The following NDUFS4 variants were observed in gnomAD, a reference collection of about 807,000 sequenced individuals.
The protein encoded by NDUFS4 is NADH:ubiquinone oxidoreductase subunit S4, also known as NADH dehydrogenase [ubiquinone] iron-sulfur protein 4, mitochondrial.
NDUFS4 carries 28 observed loss-of-function variants against 24.3 expected under a neutral mutation model. The observed-to-expected ratio is 1.15, with a 90% CI of 0.85 to 1.58. The LOEUF (loss-of-function observed/expected upper bound fraction) is 1.58, where lower values mean the gene tolerates loss of function less well. Among genes scored for constraint, NDUFS4 ranks in the 40% most tolerant of loss-of-function variants. The pLI, the probability that NDUFS4 is intolerant of heterozygous loss-of-function variation, is 0.00. For missense variants in NDUFS4, 223 were observed against 207.9 expected (o/e 1.07, Z -0.45); for synonymous variants, 93 against 69.7 (o/e 1.34, Z -1.67).
intron 1 of NDUFS4, among the ~76,000 whole-genome samples, chr5:53,594,340 A>C (rs1185579830): frequency 1.3e-5 from 2 of 152,098 alleles, no homozygotes; most frequent in Non-Finnish European, 2.9e-5. Context: ...TCTGAGATTA[A>C]TTTAGCTGTG....
At position 53,637,214 on chromosome 5, in the gene NDUFS4, G is replaced by A. The variant is rs201207262; in HGVS notation, c.178-9019G>A. On this transcript the variant is annotated intron_variant, in intron 2 of 4. Transcript: ENST00000296684. ...GTGAATTCCTGTTTGAGGTCCCCAA[G>A]TATCCTGAGGTTCCTAGGCCTTCCA... Among the ~76,000 whole-genome samples, 4 of 93,056 alleles carry A rather than the reference G, an allele frequency of 4.3e-5. No individual in the cohort carries two copies. The South Asian group carries it at 1.6e-3, about 37-fold the overall frequency. 61.0% of individuals were successfully genotyped at this position (93,056 alleles called of 152,430 possible). A position where few individuals can be genotyped will look rare whatever the true frequency, so the allele number is the denominator to read the frequency against.
chr5:53,637,283 A>C (rs1751586205), intron 2 of NDUFS4, among the ~76,000 whole-genome samples: 2 of 152,154 alleles, frequency 1.3e-5, no homozygotes, highest in Non-Finnish European at 2.9e-5. Flanking sequence ...GCAACCATAC[A>C]ACCATGTATT....
Position 53,683,222 on chromosome 5 carries a change from G to A in NDUFS4, c.*1G>A, listed in dbSNP as rs1241938200. The A allele has an allele frequency of 6.3e-7, 1 of 1,585,416 alleles. No individual in the cohort carries two copies. Among genetic ancestry groups the A allele is most frequent in the African/African-American group, 1.3e-5 (1 of 74,290 alleles). On this transcript the variant is annotated 3_prime_UTR_variant, in exon 5 of 5. Coordinates refer to ENST00000296684, the MANE Select transcript of NDUFS4 (RefSeq NM_002495.4). ...AAGAACAAGAGTATCCACAAAATAG[G>A]TTGGCACTGACTATATCTCTGCTTG...
intron 1 of NDUFS4, among the ~76,000 whole-genome samples, chr5:53,570,909 C>T (rs918641305): frequency 2.0e-5 from 3 of 151,954 alleles, no homozygotes; most frequent in Admixed American, 2.0e-4. Context: ...GTCTCGAACT[C>T]CTGACCTTAG....
At chr5:53,592,384 C>G (rs561448080) in intron 1 of NDUFS4, among the ~76,000 whole-genome samples, 59 of 152,260 alleles carry the variant, frequency 3.9e-4, no homozygotes, top group African/African-American at 1.3e-3. Context: ...TTTCACAGAG[C>G]TAAAGCTGTT....
At chr5:53,659,900 G>A (rs1257081855) in intron 4 of NDUFS4, among the ~76,000 whole-genome samples, 1 of 152,102 alleles carries the variant, frequency 6.6e-6, no homozygotes, top group African/African-American at 2.4e-5. Flanking sequence ...CGTGCAATGA[G>A]AATTGCTGTG....
chr5:53,657,345 TATG>T (rs901762960), intron 3 of NDUFS4, among the ~76,000 whole-genome samples: 2 of 152,180 alleles, frequency 1.3e-5, no homozygotes, highest in African/African-American at 4.8e-5. Context: ...AGGGGTGGGT[TATG>T]ATAAGAATAT....
intron 3 of NDUFS4, among the ~76,000 whole-genome samples, chr5:53,649,200 A>G (rs1235479407): frequency 1.3e-5 from 2 of 152,080 alleles, no homozygotes; most frequent in Non-Finnish European, 2.9e-5. Context: ...ACATAATTGA[A>G]TATTGTTCTT....
intron 1 of NDUFS4, among the ~76,000 whole-genome samples, chr5:53,562,472 G>C (rs1748880425): frequency 6.6e-6 from 1 of 152,102 alleles, no homozygotes; most frequent in African/African-American, 2.4e-5. Flanking sequence ...GTTGAGATTA[G>C]ATTTTTGAAA....
chr5:53,649,224 A>T (rs1434512759), intron 3 of NDUFS4, among the ~76,000 whole-genome samples: 1 of 152,080 alleles, frequency 6.6e-6, no homozygotes, highest in African/African-American at 2.4e-5. Context: ...TAAATTTTAG[A>T]TCCAGGGTGT....
chr5:53,595,104 C>G (rs1750093153), intron 1 of NDUFS4, among the ~76,000 whole-genome samples: 1 of 151,966 alleles, frequency 6.6e-6, no homozygotes, highest in African/African-American at 2.4e-5. Flanking sequence ...TGCTTTTGTA[C>G]TCTGATCTGT....
intron 4 of NDUFS4, among the ~76,000 whole-genome samples, chr5:53,679,024 A>G (rs993329298): frequency 6.6e-6 from 1 of 152,192 alleles, no homozygotes; most frequent in Admixed American, 6.6e-5. Flanking sequence ...CTCAAAAAAC[A>G]GCAAATTTTT....
intron 2 of NDUFS4, among the ~76,000 whole-genome samples, chr5:53,630,670 T>G (rs1363592677): frequency 6.6e-6 from 1 of 152,170 alleles, no homozygotes; most frequent in African/African-American, 2.4e-5. Context: ...CTTGATCGAT[T>G]CGGCTATTGA....
chr5:53,573,190 G>GGT (rs1749272980), intron 1 of NDUFS4, among the ~76,000 whole-genome samples: 1 of 151,710 alleles, frequency 6.6e-6, no homozygotes, highest in Non-Finnish European at 1.5e-5. Context: ...GCCCAGGCTG[G>GGT]TCTTGAACTC....
intron 4 of NDUFS4, among the ~76,000 whole-genome samples, chr5:53,670,973 T>C (rs1295614901): frequency 1.3e-5 from 2 of 151,666 alleles, no homozygotes; most frequent in African/African-American, 4.8e-5. Flanking sequence ...CTCTACTATC[T>C]ATATAGTATC....
rs60887057 is a variant in NDUFS4 at position 53,594,872 on chromosome 5, T to TTGTGTG, written c.99-8558_99-8553dup. Among the ~76,000 whole-genome samples the TTGTGTG allele has an allele frequency of 9.7e-3, 1,443 of 148,524 alleles. 15 individuals carry two copies. Among genetic ancestry groups the TTGTGTG allele is most frequent in the African/African-American group, 0.024 (955 of 40,426 alleles). ...CATTTGTATATACGTATGTCTGTGTTTGTGTGTGTGTGTGTGTGTGTGTGT... is the reference window on the plus strand; with the variant it reads ...CATTTGTATATACGTATGTCTGTGTTTGTGTGTGTGTGTGTGTGTGTGTGTGTGTGT... On this transcript the variant is annotated intron_variant, in intron 1 of 4. Coordinates refer to ENST00000296684, the MANE Select transcript of NDUFS4 (RefSeq NM_002495.4).
intron 2 of NDUFS4, among the ~76,000 whole-genome samples, chr5:53,606,115 C>A (rs4640749): frequency 0.32 from 49,097 of 151,290 alleles, 8,255 homozygotes; most frequent in Non-Finnish European, 0.38. Context: ...ACCTGGGAGG[C>A]GGAGCTTGCA....
chr5:53,566,849 A>AT (rs34167752), intron 1 of NDUFS4, among the ~76,000 whole-genome samples: 31,513 of 136,632 alleles, frequency 0.23, 4,537 homozygotes, highest in East Asian at 0.47. Flanking sequence ...ACCGCCAAGT[A>AT]TTTTTTTTTT....
chr5:53,671,569 A>G (rs573535668), intron 4 of NDUFS4, among the ~76,000 whole-genome samples: 4 of 152,216 alleles, frequency 2.6e-5, no homozygotes, highest in African/African-American at 4.8e-5. Context: ...AGAGACGAAT[A>G]TCATCTGGGG....
Sources: gnomAD v4.1 joint callset for allele counts (sites outside exome capture counted in the v4.1 genomes callset) on GRCh38, gnomAD v4.1.1 for gene constraint, MANE v1.5 for transcripts, NCBI Gene and HGNC (gene_info 2026-07-23, HGNC 2026-07-21) for gene names.